Variants in PTPRS observed in about 807,000 individuals in gnomAD.
The protein encoded by PTPRS is receptor-type tyrosine-protein phosphatase S.
A neutral mutation model predicts 215.3 loss-of-function variants in PTPRS; 63 were observed. The observed-to-expected ratio is 0.29, with a 90% confidence interval of 0.24 to 0.36. The LOEUF (loss-of-function observed/expected upper bound fraction) is 0.36. PTPRS is among the 10% of genes least tolerant of loss of function. PTPRS has a pLI of 1.00. For missense variants in PTPRS, 2,258 were observed against 2,825.8 expected, an observed-to-expected ratio of 0.80 and a Z score of 4.56; for synonymous variants, 1,404 against 1,191.4, an observed-to-expected ratio of 1.18 and a Z score of -3.68.
chr19:5,306,744 T>G (rs2049508037), intron 1 of PTPRS, among the ~76,000 whole-genome samples: 2 of 152,006 alleles, frequency 1.3e-5, no homozygotes, highest in African/African-American at 2.4e-5. Context: ...GCAGCTGGGG[T>G]GGAAGGTCGG....
At chr19:5,310,544 C>T (rs2049667778) in intron 1 of PTPRS, among the ~76,000 whole-genome samples, 1 of 152,070 alleles carries the variant, frequency 6.6e-6, no homozygotes, top group Non-Finnish European at 1.5e-5. Context: ...TTTCAAACTC[C>T]TGACCTCAAG....
chr19:5,300,826 A>C (rs1305853078), intron 1 of PTPRS, among the ~76,000 whole-genome samples: 1 of 152,060 alleles, frequency 6.6e-6, no homozygotes, highest in African/African-American at 2.4e-5. Flanking sequence ...ATATATAACA[A>C]AAAAATTTCC....
At chr19:5,302,697 G>T (rs542880513) in intron 1 of PTPRS, among the ~76,000 whole-genome samples, 4 of 152,182 alleles carry the variant, frequency 2.6e-5, no homozygotes, top group Admixed American at 2.6e-4. Context: ...GCTCTGGGCT[G>T]CCGGATGCCT....
At chr19:5,254,463 G>A (rs553196163) in intron 9 of PTPRS, among the ~76,000 whole-genome samples, 35 of 151,724 alleles carry the variant, frequency 2.3e-4, no homozygotes, top group African/African-American at 7.7e-4. Context: ...TCTCAAGGGC[G>A]TGCCTTTTCT....
intron 2 of PTPRS, among the ~76,000 whole-genome samples, chr19:5,284,413 AAAT>A (rs1226894271): frequency 3.0e-5 from 3 of 101,654 alleles, no homozygotes; most frequent in African/African-American, 6.3e-5. Flanking sequence ...ATAAATAAAT[AAAT>A]AAAAATTAGC....
At chr19:5,259,113 G>A (rs768673299) in intron 7 of PTPRS, among the ~76,000 whole-genome samples, 25 of 152,294 alleles carry the variant, frequency 1.6e-4, no homozygotes, top group Admixed American at 2.6e-4. Context: ...AGGCTAAAAT[G>A]CCCCAAGCCT....
intron 23 of PTPRS, 70 bp from the exon 24 acceptor site, chr19:5,218,868 A>C: frequency 1.2e-5 from 18 of 1,489,844 alleles, no homozygotes; most frequent in Non-Finnish European, 1.6e-5. Flanking sequence ...GCCGGCCATC[A>C]AGGGCTTGTT....
At chr19:5,216,623 G>T in intron 26 of PTPRS, 97 bp downstream of exon 26, 2 of 1,039,822 alleles carry the variant, frequency 1.9e-6, no homozygotes, top group Non-Finnish European at 1.4e-6. Context: ...TGATGGGTGG[G>T]CGTGTGGACA....
In PTPRS at chr19:5,223,109, C is replaced by T. The variant is rs764560600; in HGVS notation, c.2683G>A (p.Val895Met). Reference sequence around the variant, plus strand: ...AACACATACGTGGCCCCCTTGTGCACGCCTGATGCCGTGTAGCGGTCCTCG... The same window carrying T: ...AACACATACGTGGCCCCCTTGTGCATGCCTGATGCCGTGTAGCGGTCCTCG... The part of the protein sequence containing the change: ...PSEDRYTASG[V>M]HKGATYVFRL... The change falls in exon 18 of 38, where the codon GTG (valine) becomes ATG (methionine). Residue 895 changes from valine to methionine, a missense_variant. This residue lies in a region of PTPRS where 361 missense variants were observed against 332.6 expected (regional missense o/e 1.09). Transcript: ENST00000262963. The T allele has an allele frequency of 4.5e-6, 7 of 1,566,400 alleles. No homozygotes were observed. The highest frequency in any genetic ancestry group is 3.5e-5 in the South Asian group (3 of 85,312).
At chr19:5,313,859 G>T (rs1249664761) in intron 1 of PTPRS, among the ~76,000 whole-genome samples, 2 of 152,092 alleles carry the variant, frequency 1.3e-5, no homozygotes, top group Non-Finnish European at 2.9e-5. Flanking sequence ...CATTTTGGGA[G>T]CCTGAGGCAG....
At chr19:5,218,653 C>A (rs2145259763) in intron 24 of PTPRS, 121 bp from the exon 25 acceptor site, 2 of 1,516,444 alleles carry the variant, frequency 1.3e-6, no homozygotes, top group Middle Eastern at 1.7e-4. Flanking sequence ...ACTAGGGTTT[C>A]CAGGACCAAG....
At chr19:5,336,629 G>A (rs1322160616) in intron 1 of PTPRS, among the ~76,000 whole-genome samples, 2 of 152,124 alleles carry the variant, frequency 1.3e-5, no homozygotes, top group South Asian at 2.1e-4. Flanking sequence ...CCCCGGATAC[G>A]TGCCTTGGTC....
At chr19:5,239,463 A>C (rs1934807820) in intron 12 of PTPRS, among the ~76,000 whole-genome samples, 1 of 151,832 alleles carries the variant, frequency 6.6e-6, no homozygotes. Context: ...TAAATGGGAG[A>C]GACAGAGACA....
rs1281581006 is a variant in PTPRS, at chr19:5,214,328, AC to A, written c.4614+32del. The A allele has an allele frequency of 2.5e-6, 4 of 1,613,372 alleles. No individual in the cohort carries two copies. The African/African-American group carries it at 5.3e-5, about 22-fold the overall frequency. On this transcript the variant is annotated intron_variant, in intron 30 of 37. Transcript: ENST00000262963. The stretch of plus-strand genomic sequence containing the variant: ...TGCCTCCCTTCCAACACATTCCTCC[AC>A]CCTCAGCCCCCAGCCCCAGCCTGGG...
intron 5 of PTPRS, among the ~76,000 whole-genome samples, chr19:5,264,291 G>A (rs2046245731): frequency 6.6e-6 from 1 of 152,072 alleles, no homozygotes; most frequent in African/African-American, 2.4e-5. Context: ...TGCCTGTCTG[G>A]GCCCCACTGT....
At chr19:5,264,140 C>G (rs76304259) in intron 5 of PTPRS, among the ~76,000 whole-genome samples, 8 of 152,206 alleles carry the variant, frequency 5.3e-5, no homozygotes, top group Non-Finnish European at 8.8e-5. Context: ...TCTGTGCCCC[C>G]TTACAGACCT....
At chr19:5,240,952 C>T (rs573154221) in intron 11 of PTPRS, among the ~76,000 whole-genome samples, 37 of 142,938 alleles carry the variant, frequency 2.6e-4, no homozygotes, top group Admixed American at 1.3e-3. Context: ...TGCAATGGCA[C>T]GATCTCGGCT....
intron 6 of PTPRS, 115 bp downstream of exon 6, chr19:5,262,849 A>G (rs1196239495): frequency 1.2e-5 from 14 of 1,159,302 alleles, no homozygotes; most frequent in Non-Finnish European, 1.8e-5. Flanking sequence ...TACCAGGCAG[A>G]GTGGGTCACA....
intron 14 of PTPRS, 92 bp from the exon 15 acceptor site, chr19:5,229,776 T>TGCC: frequency 1.3e-6 from 1 of 798,794 alleles, no homozygotes; most frequent in South Asian, 5.8e-5. Context: ...GATTCCAGGA[T>TGCC]GCCGAGTGGC....
Sources: gnomAD v4.1 joint callset for allele counts (sites outside exome capture counted in the v4.1 genomes callset) on GRCh38, gnomAD v4.1.1 for gene constraint, gnomAD v4.1.1 regional missense constraint, MANE v1.5 for transcripts, NCBI Gene and HGNC (gene_info 2026-07-23, HGNC 2026-07-21) for gene names.